Variants in WWP2 observed in about 807,000 individuals in gnomAD.
WWP2 encodes NEDD4-like E3 ubiquitin-protein ligase WWP2.
Under a neutral mutation model 121.0 loss-of-function variants are expected in WWP2, and 57 were observed. The observed-to-expected ratio is 0.47, with a 90% CI of 0.38 to 0.59. WWP2 has a LOEUF of 0.59. Ranked by LOEUF, WWP2 falls within the 20% of genes least tolerant of loss-of-function variation. The probability of loss-of-function intolerance (pLI) is 0.00; values close to 1 mark genes in which losing one functional copy is unlikely to be tolerated. For missense variants in WWP2, 962 were observed against 1,158.9 expected, an observed-to-expected ratio of 0.83 and a Z score of 2.47; for synonymous variants, 449 against 441.3, an observed-to-expected ratio of 1.02 and a Z score of -0.22.
At chr16:69,936,071 T>C in intron 18 of WWP2, 85 bp downstream of exon 18, 1 of 1,559,458 alleles carries the variant, frequency 6.4e-7, no homozygotes, top group Non-Finnish European at 8.7e-7. Flanking sequence ...CTTTATTTTG[T>C]CTGCCAGTGT....
At chr16:69,848,103 C>A (rs188425572) in intron 6 of WWP2, among the ~76,000 whole-genome samples, 2 of 152,130 alleles carry the variant, frequency 1.3e-5, no homozygotes, top group Non-Finnish European at 2.9e-5. Flanking sequence ...CTTTTTGATT[C>A]ATAAAATTTT....
intron 8 of WWP2, among the ~76,000 whole-genome samples, chr16:69,900,106 A>G (rs2058179977): frequency 6.6e-6 from 1 of 152,204 alleles, no homozygotes; most frequent in African/African-American, 2.4e-5. Context: ...AGATGCACTT[A>G]TAGCTAAATT....
chr16:69,896,350 G>A (rs1367424514), intron 8 of WWP2, among the ~76,000 whole-genome samples: 2 of 152,088 alleles, frequency 1.3e-5, no homozygotes, highest in African/African-American at 4.8e-5. Flanking sequence ...AACTCTTGGA[G>A]GCTCAAGCGA....
intron 7 of WWP2, among the ~76,000 whole-genome samples, chr16:69,880,750 C>T (rs1021919506): frequency 1.3e-5 from 2 of 152,176 alleles, no homozygotes; most frequent in Admixed American, 6.5e-5. Context: ...TTGTGTTTCA[C>T]GGGTGAAAGA....
At chr16:69,921,418 C>T (rs1204910232) in intron 10 of WWP2, among the ~76,000 whole-genome samples, 1 of 152,226 alleles carries the variant, frequency 6.6e-6, no homozygotes, top group African/African-American at 2.4e-5. Context: ...TTCTTTGCTG[C>T]ACTGCAGAGA....
intron 6 of WWP2, among the ~76,000 whole-genome samples, chr16:69,858,760 T>C (rs921117936): frequency 3.9e-5 from 6 of 152,220 alleles, no homozygotes; most frequent in Admixed American, 3.9e-4. Context: ...GTCCGTGTAC[T>C]TCAACTCTGC....
At chr16:69,859,812 C>G (rs953984776) in intron 6 of WWP2, among the ~76,000 whole-genome samples, 1 of 151,960 alleles carries the variant, frequency 6.6e-6, no homozygotes, top group African/African-American at 2.4e-5. Flanking sequence ...CTGGAGAAGG[C>G]GCTCTGCTTC....
intron 10 of WWP2, among the ~76,000 whole-genome samples, chr16:69,923,436 A>G (rs886685274): frequency 1.3e-5 from 2 of 152,046 alleles, no homozygotes; most frequent in African/African-American, 4.8e-5. Flanking sequence ...TTTAAAAGGC[A>G]AGGATTCAGA....
chr16:69,933,383 G>C lies in WWP2; in HGVS notation c.1683-587G>C, dbSNP rs571641951. Among the ~76,000 whole-genome samples, 179 of 152,258 alleles carry C rather than the reference G, an allele frequency of 1.2e-3. 2 individuals carry two copies. In the South Asian group the frequency reaches 0.016, roughly 14 times the overall value. ...AACGGGGATGGTGTTGGGGTCTGGG[G>C]GTGAAGGGAGGGCAAAGTGCAAGAG... On this transcript the variant is annotated intron_variant, in intron 16 of 23. Coordinates refer to ENST00000359154, the MANE Select transcript of WWP2 (RefSeq NM_001270454.2).
At chr16:69,813,004 T>G (rs749644279) in intron 4 of WWP2, among the ~76,000 whole-genome samples, 1 of 152,190 alleles carries the variant, frequency 6.6e-6, no homozygotes, top group Non-Finnish European at 1.5e-5. Context: ...AGATTTTTAT[T>G]TTTGAATTCC....
At position 69,936,442 on chromosome 16, in the gene WWP2, GA is replaced by G; in HGVS notation, c.2108del (p.Glu703GlyfsTer6). 6.2e-7 allele frequency: 1 copy of G among 1,614,082 alleles called. No individual in the cohort carries two copies. The highest frequency in any genetic ancestry group is 8.5e-7 in the Non-Finnish European group (1 of 1,180,032). On this transcript the variant is annotated frameshift_variant, in exon 19 of 24. Transcript: ENST00000359154. LOFTEE classifies it high-confidence loss of function. ...CCGGGTCACAGAGGAGAACAAGGAA[GA>G]GTACATCATGTGAGTCTCAGGCGCC... Reference protein sequence around the residue: ...SIRVTEENKEEYIMLLTDWRF... With the variant: ...SIRVTEENKEXYIMLLTDWRF...
At position 69,795,809 on chromosome 16, in the gene WWP2, A is replaced by C. The variant is rs963819437; in HGVS notation, c.71-2873A>C. On this transcript the variant is annotated intron_variant, in intron 2 of 23. Coordinates refer to ENST00000359154, the MANE Select transcript of WWP2 (RefSeq NM_001270454.2). ...ACTACTGTTGTGCCCCACCACGCCCAGCTAGTTTTTGTATTTTTGGTAGAG... is the reference window on the plus strand; with the variant it reads ...ACTACTGTTGTGCCCCACCACGCCCCGCTAGTTTTTGTATTTTTGGTAGAG... 1.1e-4 allele frequency among the ~76,000 whole-genome samples: 17 copies of C among 151,588 alleles called. 2 individuals are homozygous for C. The highest frequency in any genetic ancestry group is 3.9e-4 in the East Asian group (2 of 5,150).
At chr16:69,850,964 A>T (rs1597053391) in intron 6 of WWP2, among the ~76,000 whole-genome samples, 1 of 150,560 alleles carries the variant, frequency 6.6e-6, no homozygotes, top group Middle Eastern at 3.5e-3. Context: ...TTGACACATC[A>T]TTGTCACTCA....
chr16:69,854,465 C>G (rs2057273585), intron 6 of WWP2, among the ~76,000 whole-genome samples: 2 of 152,092 alleles, frequency 1.3e-5, no homozygotes, highest in South Asian at 4.2e-4. Context: ...TAGTGACTGC[C>G]TTTCTGGTGG....
At chr16:69,802,343 C>T (rs2056187272) in intron 4 of WWP2, among the ~76,000 whole-genome samples, 1 of 152,120 alleles carries the variant, frequency 6.6e-6, no homozygotes, top group Non-Finnish European at 1.5e-5. Context: ...CCATCACCAC[C>T]ATCTATCCCC....
rs185098127 is a variant in WWP2 at position 69,875,913 on chromosome 16, G to A, written c.703+3982G>A. Among the ~76,000 whole-genome samples, 348 of 152,074 alleles carry A rather than the reference G, an allele frequency of 2.3e-3. 4 individuals carry two copies. The highest frequency in any genetic ancestry group is 8.0e-3 in the African/African-American group (331 of 41,488). ...CCATGAATCACAAATGTTCTTAATG[G>A]CATCTAGAATGGTGAGTCCTTTTTA... On this transcript the variant is annotated intron_variant, in intron 7 of 23. Coordinates refer to ENST00000359154, the MANE Select transcript of WWP2 (RefSeq NM_001270454.2).
In WWP2 at chr16:69,925,723, G is replaced by A. The variant is rs1232005377; in HGVS notation, c.1234+239G>A. ...ATCCACCCACCATCGCTAAAGGAGT[G>A]TGACCCTAAGAAAAGATGTCCCTGA... On this transcript the variant is annotated intron_variant, in intron 11 of 23. Transcript: ENST00000359154. The surrounding 1 kb of genome is among the most constrained non-coding windows in gnomAD (Gnocchi z 4.0). Among the ~76,000 whole-genome samples, 2 of 152,190 alleles carry A rather than the reference G, an allele frequency of 1.3e-5. No individual in the cohort carries two copies. The highest frequency in any genetic ancestry group is 4.8e-5 in the African/African-American group (2 of 41,448).
chr16:69,807,619 C>CA (rs530408058), intron 4 of WWP2, among the ~76,000 whole-genome samples: 398 of 46,744 alleles, frequency 8.5e-3, no homozygotes, highest in African/African-American at 0.017. Flanking sequence ...ACCCTTTCTC[C>CA]AAAAAAAAAA....
chr16:69,939,500 G>T, intron 23 of WWP2, 87 bp downstream of exon 23: 2 of 1,428,040 alleles, frequency 1.4e-6, no homozygotes, highest in Admixed American at 1.8e-5. Context: ...CAGCTTCATA[G>T]CCTCGAGTCT....
Sources: gnomAD v4.1 joint callset for allele counts (sites outside exome capture counted in the v4.1 genomes callset) on GRCh38, gnomAD v4.1.1 for gene constraint, Gnocchi (gnomAD v3.1) non-coding constraint, MANE v1.5 for transcripts, NCBI Gene and HGNC (gene_info 2026-07-23, HGNC 2026-07-21) for gene names.